The following ATP8A2 variants were observed in gnomAD, a reference collection of about 807,000 sequenced individuals.
ATP8A2 encodes phospholipid-transporting ATPase IB.
A neutral mutation model predicts 165.6 loss-of-function variants in ATP8A2; 100 were observed. The ratio of observed to expected loss-of-function variants is 0.60; its 90% CI spans 0.51 to 0.71. The LOEUF (loss-of-function observed/expected upper bound fraction) is 0.71. ATP8A2 is among the 30% of genes least tolerant of loss of function. ATP8A2 has a pLI of 0.00. For missense variants in ATP8A2, 1,227 were observed against 1,479.5 expected, an observed-to-expected ratio of 0.83 and a Z score of 2.80; for synonymous variants, 543 against 548.8, an observed-to-expected ratio of 0.99 and a Z score of 0.15.
intron 35 of ATP8A2, among the ~76,000 whole-genome samples, chr13:25,997,638 C>T (rs1395412887): frequency 6.6e-6 from 1 of 151,934 alleles, no homozygotes; most frequent in Non-Finnish European, 1.5e-5. Context: ...GTCTCTATTA[C>T]TCAGACTGGG....
At chr13:25,840,599 C>A (rs1357111483) in intron 30 of ATP8A2, among the ~76,000 whole-genome samples, 5 of 152,118 alleles carry the variant, frequency 3.3e-5, no homozygotes, top group African/African-American at 1.2e-4. Flanking sequence ...TGCTTTCTAG[C>A]CCCACCCCAA....
Position 25,372,349 on chromosome 13 carries a change from G to C in ATP8A2, c.76+61G>C. The C allele has an allele frequency of 3.1e-6, 4 of 1,290,716 alleles. 1 individual carries two copies. The South Asian group carries it at 4.7e-5, about 15-fold the overall frequency. The allele number at this position is 1,290,716 out of a possible 1,614,324, so 80.0% of individuals were successfully genotyped here. On this transcript the variant is annotated intron_variant, in intron 1 of 36. Transcript: ENST00000381655. This position sits in a 1 kb window ranked among gnomAD's most constrained non-coding sequence, Gnocchi z 4.8. ...CCGGGGCGGGGGCGGCGCGGGGCGC[G>C]CCTGCGGTTATGCGACACTGCCCCG... is the stretch of plus-strand genomic sequence containing the variant.
At chr13:25,740,601 A>G (rs191229083) in intron 25 of ATP8A2, among the ~76,000 whole-genome samples, 186 of 152,304 alleles carry the variant, frequency 1.2e-3, no homozygotes, top group African/African-American at 3.5e-3. Context: ...GAGAAGTTGA[A>G]GATGATTCTA....
At chr13:25,554,112 C>T (rs1173101390) in intron 12 of ATP8A2, among the ~76,000 whole-genome samples, 192 bp downstream of exon 12, 1 of 152,132 alleles carries the variant, frequency 6.6e-6, no homozygotes, top group East Asian at 1.9e-4. Flanking sequence ...GCAGTGGTAC[C>T]TATTCAAGGC....
chr13:25,380,919 C>G (rs1003204482), intron 1 of ATP8A2, among the ~76,000 whole-genome samples: 1 of 152,170 alleles, frequency 6.6e-6, no homozygotes, highest in Non-Finnish European at 1.5e-5. Flanking sequence ...TCCCTGCCCC[C>G]TCCCTCCAGC....
At chr13:25,519,737 G>A (rs1276159213) in intron 2 of ATP8A2, among the ~76,000 whole-genome samples, 1 of 152,130 alleles carries the variant, frequency 6.6e-6, no homozygotes, top group Non-Finnish European at 1.5e-5. Flanking sequence ...GGACAGTGAT[G>A]CTGGCACATG....
Position 25,543,366 on chromosome 13 carries a change from A to T in ATP8A2, c.855A>T (p.Ile285=), listed in dbSNP as rs746718942. The stretch of plus-strand genomic sequence containing the variant: ...GAAATACTCAGTGGGTCTTTGGCAT[A>T]GTTGTTTATACTGGACACGACACCA... The part of the protein sequence containing the change: ...QLRNTQWVFG[I]VVYTGHDTKL... Residue 285 remains isoleucine, a synonymous_variant, in exon 10 of 37, where the codon ATA becomes ATT. Transcript: ENST00000381655. The T allele has an allele frequency of 2.5e-6, 4 of 1,612,750 alleles. No individual in the cohort carries two copies. The African/African-American group carries it at 5.3e-5, about 22-fold the overall frequency.
At chr13:25,578,485 G>A (rs944335102) in intron 20 of ATP8A2, among the ~76,000 whole-genome samples, 3 of 152,130 alleles carry the variant, frequency 2.0e-5, no homozygotes, top group Admixed American at 6.5e-5. Flanking sequence ...CTCCTTCTGC[G>A]CAAACGCCTG....
chr13:25,838,270 C>A (rs764107062), intron 29 of ATP8A2, among the ~76,000 whole-genome samples: 5 of 152,152 alleles, frequency 3.3e-5, no homozygotes, highest in Non-Finnish European at 7.3e-5. Flanking sequence ...ATGTTCCTGA[C>A]GTCCCTTACA....
intron 2 of ATP8A2, among the ~76,000 whole-genome samples, chr13:25,477,979 A>C (rs975461085): frequency 4.6e-5 from 7 of 152,154 alleles, no homozygotes; most frequent in African/African-American, 1.7e-4. Flanking sequence ...CAAATCTTAA[A>C]ATCAACTAGA....
At chr13:25,943,221 G>C (rs1955119419) in intron 33 of ATP8A2, among the ~76,000 whole-genome samples, 1 of 152,134 alleles carries the variant, frequency 6.6e-6, no homozygotes, top group Admixed American at 6.6e-5. Context: ...TTCAGCCGTT[G>C]CAAGCTTGAA....
intron 24 of ATP8A2, among the ~76,000 whole-genome samples, chr13:25,670,036 G>C (rs2042233141): frequency 6.6e-6 from 1 of 152,208 alleles, no homozygotes; most frequent in African/African-American, 2.4e-5. Context: ...TGGTGGGCAA[G>C]TGAGAGAAAA....
At chr13:25,642,727 GATT>G (rs2041561690) in intron 24 of ATP8A2, among the ~76,000 whole-genome samples, 1 of 152,290 alleles carries the variant, frequency 6.6e-6, no homozygotes, top group South Asian at 2.1e-4. Flanking sequence ...ATACCCAAAG[GATT>G]ATAAATCCTG....
intron 35 of ATP8A2, among the ~76,000 whole-genome samples, chr13:25,997,779 C>T (rs1180652183): frequency 6.6e-6 from 1 of 151,728 alleles, no homozygotes; most frequent in Admixed American, 6.6e-5. Flanking sequence ...CCTATTTGTT[C>T]TTTTAAGTCT....
intron 27 of ATP8A2, among the ~76,000 whole-genome samples, chr13:25,823,240 T>G (rs1566174750): frequency 6.6e-6 from 1 of 152,236 alleles, no homozygotes; most frequent in African/African-American, 2.4e-5. Context: ...TTCTCTTATA[T>G]GTAGCATATA....
chr13:25,585,051 GA>G (rs1224674038), intron 23 of ATP8A2, among the ~76,000 whole-genome samples: 4 of 151,730 alleles, frequency 2.6e-5, no homozygotes, highest in Non-Finnish European at 5.9e-5. Context: ...TCATACCTTA[GA>G]AAAAAAACAC....
chr13:25,372,150 G>T lies in ATP8A2; in HGVS notation c.-63G>T, dbSNP rs1016612278. ...ATGGTCCTCGGGCGGCGGCCCCTGC[G>T]CCCAGCCCTGCGCGTAGCCTCCGTC... On this transcript the variant is annotated 5_prime_UTR_variant, in exon 1 of 37. Transcript: ENST00000381655. The surrounding 1 kb of genome is among the most constrained non-coding windows in gnomAD (Gnocchi z 4.8). 1.6e-6 allele frequency: 2 copies of T among 1,217,520 alleles called. No individual in the cohort carries two copies. Among genetic ancestry groups the T allele is most frequent in the African/African-American group, 1.6e-5 (1 of 63,050 alleles). 75.4% of individuals were successfully genotyped at this position (1,217,520 alleles called of 1,614,324 possible).
At chr13:25,518,849 A>T (rs2137828007) in intron 2 of ATP8A2, among the ~76,000 whole-genome samples, 1 of 152,276 alleles carries the variant, frequency 6.6e-6, no homozygotes, top group Non-Finnish European at 1.5e-5. Context: ...CGTGTCCAAC[A>T]TACATGTAAC....
intron 2 of ATP8A2, among the ~76,000 whole-genome samples, chr13:25,520,612 T>C (rs113266869): frequency 6.7e-6 from 1 of 149,462 alleles, no homozygotes; most frequent in Non-Finnish European, 1.5e-5. Flanking sequence ...TTTTGTTTTT[T>C]TTTTTTGAGA....
Sources: gnomAD v4.1 joint callset for allele counts (sites outside exome capture counted in the v4.1 genomes callset) on GRCh38, gnomAD v4.1.1 for gene constraint, Gnocchi (gnomAD v3.1) non-coding constraint, MANE v1.5 for transcripts, NCBI Gene and HGNC (gene_info 2026-07-23, HGNC 2026-07-21) for gene names.